The following ANK3 variants were observed in gnomAD, a reference collection of about 807,000 sequenced individuals.
The protein encoded by ANK3 is ankyrin-3.
Under a neutral mutation model 370.9 loss-of-function variants are expected in ANK3, and 57 were observed. That is an observed-to-expected ratio of 0.15 (90% CI 0.12 to 0.19). ANK3 has a LOEUF of 0.19. ANK3 is among the 10% of genes least tolerant of loss of function. The pLI is 1.00. For synonymous variants in ANK3, 1,929 were observed against 1,946.3 expected, an observed-to-expected ratio of 0.99 and a Z score of 0.23; for missense variants, 4,439 against 5,302.1, an observed-to-expected ratio of 0.84 and a Z score of 5.06.
Position 60,146,908 on chromosome 10 carries a change from G to A in ANK3, c.2615-7821C>T, listed in dbSNP as rs79148856. The stretch of plus-strand genomic sequence containing the variant: ...CATTCTCAAAAGAACAAGGAAGCAG[G>A]AGTAAGAAAAAGAAATATGGTAGGA... On this transcript the variant is annotated intron_variant, in intron 23 of 43. Coordinates refer to ENST00000280772, the MANE Select transcript of ANK3 (RefSeq NM_020987.5). Among the ~76,000 whole-genome samples, 237 of 152,254 alleles carry A rather than the reference G, an allele frequency of 1.6e-3. 1 individual carries two copies. Among genetic ancestry groups the A allele is most frequent in the African/African-American group, 5.5e-3 (230 of 41,536 alleles).
chr10:60,345,338 C>T (rs2055206564), intron 1 of ANK3, among the ~76,000 whole-genome samples: 1 of 152,200 alleles, frequency 6.6e-6, no homozygotes, highest in Non-Finnish European at 1.5e-5. Flanking sequence ...CATGCCATAT[C>T]CCTACTTTTG....
chr10:60,498,426 C>G (rs189500188), intron 2 of ANK3, among the ~76,000 whole-genome samples: 3 of 152,136 alleles, frequency 2.0e-5, no homozygotes, highest in Non-Finnish European at 2.9e-5. Flanking sequence ...GGGCCTCACT[C>G]TGTCACCCAG....
chr10:60,258,848 G>GC (rs890522232), intron 7 of ANK3, among the ~76,000 whole-genome samples: 4 of 152,098 alleles, frequency 2.6e-5, no homozygotes, highest in African/African-American at 9.7e-5. Context: ...AGAAATTGCA[G>GC]CCCCCCAAGA....
chr10:60,100,245 T>TTTTG (rs2090996587), intron 28 of ANK3, among the ~76,000 whole-genome samples: 1 of 141,938 alleles, frequency 7.0e-6, no homozygotes, highest in Admixed American at 7.0e-5. Flanking sequence ...TTTTTTTTTT[T>TTTTG]TTTTTTTTTT....
At chr10:60,612,100 T>C (rs1278334139) in intron 2 of ANK3, among the ~76,000 whole-genome samples, 1 of 152,082 alleles carries the variant, frequency 6.6e-6, no homozygotes, top group Non-Finnish European at 1.5e-5. Flanking sequence ...ATAACAGAGA[T>C]TCTGAAAAAG....
intron 1 of ANK3, among the ~76,000 whole-genome samples, chr10:60,350,353 C>G (rs1056382646): frequency 6.6e-6 from 1 of 152,152 alleles, no homozygotes; most frequent in African/African-American, 2.4e-5. Context: ...CTTAAACAAA[C>G]AGAGGAAAGA....
At chr10:60,478,793 G>T (rs1291802410) in intron 2 of ANK3, among the ~76,000 whole-genome samples, 1 of 152,030 alleles carries the variant, frequency 6.6e-6, no homozygotes, top group East Asian at 1.9e-4. Context: ...AGGGTCAAAA[G>T]ACCTGGATTA....
At chr10:60,406,173 A>T (rs575811397) in intron 2 of ANK3, among the ~76,000 whole-genome samples, 1 of 152,356 alleles carries the variant, frequency 6.6e-6, no homozygotes, top group African/African-American at 2.4e-5. Context: ...CAGACCATAC[A>T]TAATACCACA....
chr10:60,440,893 C>T (rs1328968315), intron 2 of ANK3, among the ~76,000 whole-genome samples: 2 of 152,280 alleles, frequency 1.3e-5, no homozygotes, highest in East Asian at 1.9e-4. Context: ...ACAGTAGATA[C>T]ATTTTAAATG....
At chr10:60,158,531 T>G (rs1258483261) in intron 23 of ANK3, among the ~76,000 whole-genome samples, 1 of 152,112 alleles carries the variant, frequency 6.6e-6, no homozygotes, top group East Asian at 1.9e-4. Flanking sequence ...TGTTTTTCTT[T>G]TCTTTGCAAT....
intron 2 of ANK3, among the ~76,000 whole-genome samples, chr10:60,502,711 G>A (rs1273524205): frequency 6.7e-6 from 1 of 148,368 alleles, no homozygotes; most frequent in Non-Finnish European, 1.5e-5. Flanking sequence ...GAGGGAAGGA[G>A]GGAAGGAAGG....
At chr10:60,422,506 T>C (rs950098769) in intron 2 of ANK3, among the ~76,000 whole-genome samples, 2 of 152,084 alleles carry the variant, frequency 1.3e-5, no homozygotes, top group Non-Finnish European at 2.9e-5. Flanking sequence ...GGACACGGGG[T>C]GACACGTCTT....
intron 23 of ANK3, among the ~76,000 whole-genome samples, chr10:60,158,347 T>C (rs1326276875): frequency 4.6e-5 from 7 of 152,196 alleles, no homozygotes; most frequent in Admixed American, 3.9e-4. Context: ...ACTGTAATTG[T>C]GGTGTACAAA....
At chr10:60,266,363 T>C (rs1389366737) in intron 5 of ANK3, among the ~76,000 whole-genome samples, 2 of 152,210 alleles carry the variant, frequency 1.3e-5, no homozygotes, top group South Asian at 2.1e-4. Flanking sequence ...TTGCTTCTTA[T>C]TGTACTTTCT....
At chr10:60,240,306 A>ATATATATATTTTTTTT (rs11282162) in intron 7 of ANK3, among the ~76,000 whole-genome samples, 1 of 119,772 alleles carries the variant, frequency 8.3e-6, no homozygotes, top group Non-Finnish European at 1.7e-5. Context: ...ATATATATAT[A>ATATATATATTTTTTTT]TTTTTTTTTC....
At chr10:60,317,363 T>C (rs552472075) in intron 1 of ANK3, among the ~76,000 whole-genome samples, 27 of 151,496 alleles carry the variant, frequency 1.8e-4, no homozygotes, top group Non-Finnish European at 3.7e-4. Flanking sequence ...GGCCTCAAGC[T>C]ATCCCTGGCT....
intron 2 of ANK3, among the ~76,000 whole-genome samples, chr10:60,605,604 C>T (rs530635786): frequency 6.6e-6 from 1 of 152,188 alleles, no homozygotes; most frequent in East Asian, 1.9e-4. Context: ...CACCAAGGAA[C>T]AAAGCTTGCT....
intron 1 of ANK3, among the ~76,000 whole-genome samples, chr10:60,299,242 TA>T (rs1479433006): frequency 6.6e-6 from 1 of 152,212 alleles, no homozygotes; most frequent in Non-Finnish European, 1.5e-5. Flanking sequence ...CACGAAAGGT[TA>T]ATATTTTCGC....
At chr10:60,312,488 A>G (rs1256238615) in intron 1 of ANK3, among the ~76,000 whole-genome samples, 1 of 152,210 alleles carries the variant, frequency 6.6e-6, no homozygotes, top group Non-Finnish European at 1.5e-5. Context: ...GGGTTTGGCA[A>G]GGTGGACACA....
Sources: allele counts gnomAD v4.1 joint callset (sites outside exome capture counted in the v4.1 genomes callset), GRCh38; gene constraint gnomAD v4.1.1; transcripts MANE v1.5; gene names NCBI Gene and HGNC (gene_info 2026-07-23, HGNC 2026-07-21).